NOL4L: variants seen among roughly 807,000 people sequenced by gnomAD.
NOL4L encodes nucleolar protein 4-like.
NOL4L carries 7 observed loss-of-function variants against 64.5 expected under a neutral mutation model. That is an observed-to-expected ratio of 0.11 (90% CI 0.06 to 0.20). The LOEUF (loss-of-function observed/expected upper bound fraction) is 0.20. NOL4L is among the 10% of genes least tolerant of loss of function. The pLI is 1.00. For missense variants in NOL4L, 680 were observed against 967.1 expected, an observed-to-expected ratio of 0.70 and a Z score of 3.94; for synonymous variants, 413 against 401.0, an observed-to-expected ratio of 1.03 and a Z score of -0.36.
At position 32,463,804 on chromosome 20, in the gene NOL4L, CCA is replaced by C. The variant is rs1227950512; in HGVS notation, c.842-7411_842-7410del. On this transcript the variant is annotated intron_variant, in intron 5 of 10. Transcript: ENST00000621426. The surrounding 1 kb of genome is among the most constrained non-coding windows in gnomAD (Gnocchi z 5.8). ...CAATCGCCACACCGCGCTCTGGGGC[CCA>C]CAGCCAGTGGCACCCTCTCCCGGTG... 1.3e-5 allele frequency among the ~76,000 whole-genome samples: 2 copies of C among 152,172 alleles called. No homozygotes were observed. Among genetic ancestry groups the C allele is most frequent in the African/African-American group, 4.8e-5 (2 of 41,448 alleles).
rs2014106238 is a variant in NOL4L, at chr20:32,461,906, C to T, written c.842-5511G>A. ...AGTTGGTGCAGCTGTATTGGGTGGG[C>T]CTGGATGGCTCCTGCTGCCCCCTAG... On this transcript the variant is annotated intron_variant, in intron 5 of 10. Transcript: ENST00000621426. 2.6e-5 allele frequency among the ~76,000 whole-genome samples: 4 copies of T among 152,022 alleles called. 1 individual carries two copies. The South Asian group carries it at 8.3e-4, about 32-fold the overall frequency.
rs533798668 is a variant in NOL4L at position 32,516,192 on chromosome 20, G to A, written c.589+4619C>T. Among the ~76,000 whole-genome samples the A allele has an allele frequency of 9.2e-5, 14 of 152,168 alleles. No homozygotes were observed. The Middle Eastern group carries it at 0.01, about 111-fold the overall frequency. Reference sequence around the variant, plus strand: ...GTCGAAGGATGTGTGCACGATGGGGGCCTGGCACAGAGAGGCCGTGAGACC... The same window carrying A: ...GTCGAAGGATGTGTGCACGATGGGGACCTGGCACAGAGAGGCCGTGAGACC... On this transcript the variant is annotated intron_variant, in intron 3 of 10. Transcript: ENST00000621426.
chr20:32,551,060 A>T (rs990369480), intron 1 of NOL4L, among the ~76,000 whole-genome samples: 6 of 151,048 alleles, frequency 4.0e-5, no homozygotes, highest in Admixed American at 1.3e-4. Flanking sequence ...CATCTCAAAA[A>T]ATAATAATAA....
intron 4 of NOL4L, among the ~76,000 whole-genome samples, chr20:32,494,369 C>G (rs904726402): frequency 1.3e-5 from 2 of 150,222 alleles, no homozygotes; most frequent in African/African-American, 4.9e-5. Flanking sequence ...GAACTGAGTT[C>G]TGTGTCTGGG....
intron 1 of NOL4L, among the ~76,000 whole-genome samples, chr20:32,539,023 G>A (rs1158030106): frequency 6.6e-6 from 1 of 151,946 alleles, no homozygotes; most frequent in Non-Finnish European, 1.5e-5. Flanking sequence ...GGGCTCCAGT[G>A]GGGGTGGGGT....
chr20:32,503,634 T>C (rs112611953), intron 4 of NOL4L, among the ~76,000 whole-genome samples: 109 of 152,262 alleles, frequency 7.2e-4, no homozygotes, highest in Admixed American at 2.2e-3. Flanking sequence ...TCTAGAGAAA[T>C]GGCTATTCCA....
chr20:32,487,999 G>C (rs369699374), intron 4 of NOL4L, among the ~76,000 whole-genome samples: 1 of 151,258 alleles, frequency 6.6e-6, no homozygotes, highest in African/African-American at 2.4e-5. Flanking sequence ...GCACGATCTG[G>C]GCTCACTGCA....
At chr20:32,579,307 C>G (rs1286154189) in intron 1 of NOL4L, among the ~76,000 whole-genome samples, 1 of 152,250 alleles carries the variant, frequency 6.6e-6, no homozygotes, top group Non-Finnish European at 1.5e-5. Flanking sequence ...ACAGCACACT[C>G]ACACCCACAC....
chr20:32,513,281 C>T (rs2017491107), intron 3 of NOL4L, among the ~76,000 whole-genome samples: 1 of 152,198 alleles, frequency 6.6e-6, no homozygotes, highest in Non-Finnish European at 1.5e-5. Context: ...ATACCTGCCC[C>T]TCAAGAGCCA....
At chr20:32,502,301 G>A (rs895843276) in intron 4 of NOL4L, among the ~76,000 whole-genome samples, 1 of 152,198 alleles carries the variant, frequency 6.6e-6, no homozygotes, top group Non-Finnish European at 1.5e-5. Flanking sequence ...TTTAAAAAAT[G>A]TATTCTAGAG....
chr20:32,562,123 C>A (rs561428400), intron 1 of NOL4L, among the ~76,000 whole-genome samples: 2 of 152,312 alleles, frequency 1.3e-5, no homozygotes, highest in Admixed American at 6.5e-5. Flanking sequence ...TCATTCTCAC[C>A]CTAAGCACTC....
chr20:32,489,540 A>G, intron 4 of NOL4L, among the ~76,000 whole-genome samples: 1 of 151,570 alleles, frequency 6.6e-6, no homozygotes. Context: ...CTTTTAAATA[A>G]CTCATCTTTA....
rs551410294 is a variant in NOL4L, at chr20:32,561,644, G to A, written c.321+22926C>T. Among the ~76,000 whole-genome samples, 5 of 152,260 alleles carry A rather than the reference G, an allele frequency of 3.3e-5. No individual in the cohort carries two copies. In the East Asian group the frequency reaches 7.8e-4, roughly 24 times the overall value. On this transcript the variant is annotated intron_variant, in intron 1 of 10. Coordinates refer to ENST00000621426, the MANE Select transcript of NOL4L (RefSeq NM_001256798.2). ...GGGGCCACGCCCCAGCCAGGGTTGG[G>A]CTTGGGGACAGGAGTGTGGAGGAGC...
rs2014243571 is a variant in NOL4L, at chr20:32,463,158, C to A, written c.842-6763G>T. 6.6e-6 allele frequency among the ~76,000 whole-genome samples: 1 copy of A among 152,152 alleles called. No homozygotes were observed. Among genetic ancestry groups the A allele is most frequent in the African/African-American group, 2.4e-5 (1 of 41,426 alleles). Reference sequence around the variant, plus strand: ...AGCTGGCTCCATGGGCACCGAAGCCCCAGCACACAGGCCTCACGGGGTGCA... The same window carrying A: ...AGCTGGCTCCATGGGCACCGAAGCCACAGCACACAGGCCTCACGGGGTGCA... On this transcript the variant is annotated intron_variant, in intron 5 of 10. Coordinates refer to ENST00000621426, the MANE Select transcript of NOL4L (RefSeq NM_001256798.2). This position sits in a 1 kb window ranked among gnomAD's most constrained non-coding sequence, Gnocchi z 5.8.
At position 32,465,276 on chromosome 20, in the gene NOL4L, C is replaced by T. The variant is rs534108639; in HGVS notation, c.842-8881G>A. ...ACCAGAGGCTCCAGGGGGAAGTCAC[C>T]GACCCATCACCCGGGATGAGTGGAG... On this transcript the variant is annotated intron_variant, in intron 5 of 10. Coordinates refer to ENST00000621426, the MANE Select transcript of NOL4L (RefSeq NM_001256798.2). The T allele has an allele frequency of 1.1e-3, 465 of 419,998 alleles. 6 individuals carry two copies. Among genetic ancestry groups the T allele is most frequent in the Non-Finnish European group, 3.7e-4 (87 of 237,180 alleles). 26.0% of individuals were successfully genotyped at this position (419,998 alleles called of 1,614,324 possible).
chr20:32,507,888 G>A (rs955297656), intron 4 of NOL4L, among the ~76,000 whole-genome samples: 1 of 152,144 alleles, frequency 6.6e-6, no homozygotes, highest in Non-Finnish European at 1.5e-5. Context: ...GCGGCCTCCT[G>A]TAATCCCAGC....
chr20:32,511,248 TG>T, intron 4 of NOL4L, 98 bp downstream of exon 4: 1 of 720,826 alleles, frequency 1.4e-6, no homozygotes. Flanking sequence ...ATTTCCCGTG[TG>T]TTTACACAAG....
chr20:32,452,902 C>T lies in NOL4L; in HGVS notation c.1602G>A (p.Glu534=). The change falls in exon 9 of 11, where the codon GAG becomes GAA. Residue 534 remains glutamate (E), a synonymous_variant. Transcript: ENST00000621426. ...CAGGTACCTGTGAGGACTGGTAGATCTCTAGACGCATCCGCTTGGCTGCCT... is the reference window on the plus strand; with the variant it reads ...CAGGTACCTGTGAGGACTGGTAGATTTCTAGACGCATCCGCTTGGCTGCCT... ...TRKAAKRMRL[E]IYQSSQDEPI... The T allele has an allele frequency of 6.2e-7, 1 of 1,614,072 alleles. No individual in the cohort carries two copies. Among genetic ancestry groups the T allele is most frequent in the South Asian group, 1.1e-5 (1 of 91,086 alleles).
intron 3 of NOL4L, among the ~76,000 whole-genome samples, chr20:32,517,259 G>A (rs577110912): frequency 3.9e-5 from 6 of 152,156 alleles, no homozygotes; most frequent in Admixed American, 2.0e-4. Context: ...AGCCCTCAAG[G>A]AGCCTCCATC....
Sources: gnomAD v4.1 joint callset for allele counts (sites outside exome capture counted in the v4.1 genomes callset) on GRCh38, gnomAD v4.1.1 for gene constraint, Gnocchi (gnomAD v3.1) non-coding constraint, MANE v1.5 for transcripts, NCBI Gene and HGNC (gene_info 2026-07-23, HGNC 2026-07-21) for gene names.